Variants in ARID1B observed in about 807,000 individuals in gnomAD.
ARID1B encodes AT-rich interactive domain-containing protein 1B.
ARID1B carries 30 observed loss-of-function variants against 212.3 expected under a neutral mutation model. The ratio of observed to expected loss-of-function variants is 0.14; its 90% CI spans 0.11 to 0.19. The LOEUF is 0.19. Among genes scored for constraint, ARID1B ranks in the 10% least tolerant of loss-of-function variants. The pLI is 1.00. For missense variants in ARID1B, 2,891 were observed against 3,204.0 expected, an observed-to-expected ratio of 0.90 and a Z score of 2.36; for synonymous variants, 1,402 against 1,301.7, an observed-to-expected ratio of 1.08 and a Z score of -1.66.
In ARID1B at chr6:156,867,310, A is replaced by G. The variant is rs544560739; in HGVS notation, c.1987-34066A>G. ...CAGTCCTGTGCTGGGAGCCCTGGCC[A>G]GAGCTGTGTGGATGGCAGCAATAAG... On this transcript the variant is annotated intron_variant, in intron 2 of 19. Transcript: ENST00000636930. Among the ~76,000 whole-genome samples the G allele has an allele frequency of 3.9e-5, 6 of 152,340 alleles. No homozygotes were observed. The South Asian group carries it at 1.2e-3, about 32-fold the overall frequency.
chr6:156,981,390 T>C (rs1777595420), intron 4 of ARID1B, among the ~76,000 whole-genome samples: 1 of 152,192 alleles, frequency 6.6e-6, no homozygotes, highest in Non-Finnish European at 1.5e-5. Context: ...CCTTTTCTCC[T>C]AGGATAAACT....
At chr6:156,789,782 G>C (rs1207064337) in intron 1 of ARID1B, among the ~76,000 whole-genome samples, 1 of 152,172 alleles carries the variant, frequency 6.6e-6, no homozygotes, top group African/African-American at 2.4e-5. Flanking sequence ...AAGTCACTTC[G>C]CTTCTCTGTG....
chr6:156,844,085 A>T (rs142093766), intron 2 of ARID1B, among the ~76,000 whole-genome samples: 1 of 152,104 alleles, frequency 6.6e-6, no homozygotes, highest in Non-Finnish European at 1.5e-5. Context: ...ATTTTACAGA[A>T]TTTTTCACAT....
intron 7 of ARID1B, among the ~76,000 whole-genome samples, chr6:157,143,409 T>G (rs535224846): frequency 9.3e-5 from 14 of 149,738 alleles, no homozygotes; most frequent in African/African-American, 3.5e-4. Flanking sequence ...TTGTTTATTT[T>G]GGGAAGAAAG....
intron 14 of ARID1B, 45 bp downstream of exon 14, chr6:157,189,825 C>A: frequency 6.2e-7 from 1 of 1,610,734 alleles, no homozygotes; most frequent in South Asian, 1.1e-5. Flanking sequence ...CACATTTGTT[C>A]ATCTTTTAGT....
At position 157,206,121 on chromosome 6, in the gene ARID1B, G is replaced by A; in HGVS notation, c.5395-46G>A. On this transcript the variant is annotated intron_variant, in intron 19 of 19. Transcript: ENST00000636930. This position sits in a 1 kb window ranked among gnomAD's most constrained non-coding sequence, Gnocchi z 6.8. ...CCTCCTCGGTCATATCTGATGTCAT[G>A]ACATTGTACCTGTTCTTTCTTTCTT... 1 of 1,586,516 alleles carries A rather than the reference G, an allele frequency of 6.3e-7. No homozygotes were observed. The highest frequency in any genetic ancestry group is 8.6e-7 in the Non-Finnish European group (1 of 1,161,568).
chr6:156,818,748 G>C (rs1457846665), intron 1 of ARID1B, among the ~76,000 whole-genome samples: 1 of 152,168 alleles, frequency 6.6e-6, no homozygotes, highest in Non-Finnish European at 1.5e-5. Flanking sequence ...AATTCTGATA[G>C]TTGACACAAC....
At chr6:157,028,532 A>C (rs144103455) in intron 4 of ARID1B, among the ~76,000 whole-genome samples, 1 of 152,240 alleles carries the variant, frequency 6.6e-6, no homozygotes, top group South Asian at 2.1e-4. Flanking sequence ...GAAAGGCCAA[A>C]TGAAATAATG....
intron 4 of ARID1B, among the ~76,000 whole-genome samples, chr6:157,016,701 G>C (rs1438839311): frequency 2.6e-5 from 4 of 152,202 alleles, no homozygotes; most frequent in African/African-American, 9.6e-5. Flanking sequence ...GCTCTGCAGG[G>C]ATGGGCTCTG....
intron 8 of ARID1B, 156 bp downstream of exon 8, chr6:157,149,107 CA>C: frequency 1.3e-6 from 1 of 742,160 alleles, no homozygotes; most frequent in Non-Finnish European, 2.1e-6. Context: ...TATTCTGTAG[CA>C]TCGAGGTCAG....
chr6:156,791,325 T>A (rs1391374734), intron 1 of ARID1B, among the ~76,000 whole-genome samples: 1 of 152,238 alleles, frequency 6.6e-6, no homozygotes, highest in East Asian at 1.9e-4. Context: ...ACTCTCAAAC[T>A]TTCACACATG....
At position 157,206,675 on chromosome 6, in the gene ARID1B, G is replaced by A. The variant is rs374035954; in HGVS notation, c.5903G>A (p.Arg1968His). ...ESKMEIPPRR[R>H]PPPPLSSAGR... ...AAGATGGAAATTCCTCCTCGCAGGCGCCCACCTCCCCCCTTAAGCTCCGCA... is the reference window on the plus strand; with the variant it reads ...AAGATGGAAATTCCTCCTCGCAGGCACCCACCTCCCCCCTTAAGCTCCGCA... The change falls in exon 20 of 20, where the codon CGC becomes CAC. Residue 1968 changes from arginine (R) to histidine (H), a missense_variant. By Grantham distance (29) the Arg-to-His change is conservative (BLOSUM62 0). This residue lies in a region of ARID1B where 332 missense variants were observed against 369.2 expected (regional missense o/e 0.90). Coordinates refer to ENST00000636930, the MANE Select transcript of ARID1B (RefSeq NM_001374828.1). This position sits in a 1 kb window ranked among gnomAD's most constrained non-coding sequence, Gnocchi z 6.8. 3.7e-5 allele frequency: 60 copies of A among 1,612,676 alleles called. No homozygotes were observed. Among genetic ancestry groups the A allele is most frequent in the South Asian group, 7.7e-5 (7 of 91,038 alleles).
intron 5 of ARID1B, among the ~76,000 whole-genome samples, chr6:157,104,197 A>G (rs776787952): frequency 4.6e-5 from 7 of 152,240 alleles, no homozygotes; most frequent in Non-Finnish European, 1.0e-4. Context: ...TCCTCTCTGT[A>G]ACAAAACTCA....
intron 5 of ARID1B, among the ~76,000 whole-genome samples, chr6:157,102,532 C>G (rs577649290): frequency 1.4e-5 from 2 of 147,946 alleles, no homozygotes; most frequent in Non-Finnish European, 3.0e-5. Context: ...TGTGAGATTT[C>G]TATGTCAGTG....
At chr6:156,782,890 A>C (rs921027439) in intron 1 of ARID1B, among the ~76,000 whole-genome samples, 1 of 152,184 alleles carries the variant, frequency 6.6e-6, no homozygotes, top group South Asian at 2.1e-4. Flanking sequence ...TTTCTGAATC[A>C]TCTGGGATGA....
chr6:157,145,208 A>T (rs1789637853), intron 7 of ARID1B, among the ~76,000 whole-genome samples: 2 of 152,156 alleles, frequency 1.3e-5, no homozygotes, highest in Admixed American at 6.5e-5. Context: ...TTGCTAGTGT[A>T]GCAGTTTATT....
At chr6:157,162,087 G>A (rs1790983572) in intron 8 of ARID1B, among the ~76,000 whole-genome samples, 1 of 152,166 alleles carries the variant, frequency 6.6e-6, no homozygotes, top group Non-Finnish European at 1.5e-5. Context: ...CCAAAGAACT[G>A]TATCAGAAAC....
At position 157,166,254 on chromosome 6, in the gene ARID1B, G is replaced by A. The variant is rs1791317212; in HGVS notation, c.3090-786G>A. 3.3e-5 allele frequency: 5 copies of A among 152,172 alleles called. No homozygotes were observed. In the South Asian group the frequency reaches 1.0e-3, roughly 32 times the overall value. 9.4% of individuals were successfully genotyped at this position (152,172 alleles called of 1,614,324 possible). On this transcript the variant is annotated intron_variant, in intron 8 of 19. Transcript: ENST00000636930. ...TGTGACAGTTATCTGCTTCAAATCA[G>A]AGAATACTCTTGACCTCTTTGCAAG... is the stretch of plus-strand genomic sequence containing the variant.
intron 2 of ARID1B, among the ~76,000 whole-genome samples, chr6:156,892,046 TTTTTTTTTTTTTTC>T (rs1276626173): frequency 4.9e-5 from 4 of 81,810 alleles, no homozygotes; most frequent in South Asian, 3.0e-4. Flanking sequence ...GAATTTTCTT[TTTTTTTTTTTTTTC>T]TTTTTTTTTT....
Sources: allele counts gnomAD v4.1 joint callset (sites outside exome capture counted in the v4.1 genomes callset), GRCh38; gene constraint gnomAD v4.1.1; regional missense constraint gnomAD v4.1.1; non-coding constraint Gnocchi (gnomAD v3.1); transcripts MANE v1.5; gene names NCBI Gene and HGNC (gene_info 2026-07-23, HGNC 2026-07-21).